The following RAB8B variants were observed in gnomAD, a reference collection of about 807,000 sequenced individuals.
RAB8B encodes RAB8B, member RAS oncogene family.
RAB8B carries 11 observed loss-of-function variants against 32.0 expected under a neutral mutation model. The observed-to-expected ratio is 0.34, with a 90% CI of 0.22 to 0.57. The LOEUF is 0.57. RAB8B is among the 20% of genes least tolerant of loss of function. The pLI, the probability that RAB8B is intolerant of heterozygous loss-of-function variation, is 0.86. For synonymous variants in RAB8B, 103 were observed against 89.6 expected, an observed-to-expected ratio of 1.15 and a Z score of -0.85; for missense variants, 190 against 258.5, an observed-to-expected ratio of 0.73 and a Z score of 1.82.
At chr15:63,207,261 T>C (rs2037706103) in intron 1 of RAB8B, among the ~76,000 whole-genome samples, 1 of 152,296 alleles carries the variant, frequency 6.6e-6, no homozygotes, top group Admixed American at 6.5e-5. Context: ...ATGGTTCTCA[T>C]CATATCCCTA....
In RAB8B at chr15:63,236,900, C is replaced by A. The variant is rs375705642; in HGVS notation, c.125-7856C>A. Among the ~76,000 whole-genome samples, 15 of 152,254 alleles carry A rather than the reference C, an allele frequency of 9.9e-5. No individual in the cohort carries two copies. The East Asian group carries it at 2.5e-3, about 25-fold the overall frequency. ...TAACCATTACCACTTTCCCCTACCCCCCACTACCCTTCCCAGCCTAACCAT... is the reference window on the plus strand; with the variant it reads ...TAACCATTACCACTTTCCCCTACCCACCACTACCCTTCCCAGCCTAACCAT... On this transcript the variant is annotated intron_variant, in intron 1 of 7. Coordinates refer to ENST00000321437, the MANE Select transcript of RAB8B (RefSeq NM_016530.3).
At chr15:63,243,719 G>A (rs1352741590) in intron 1 of RAB8B, among the ~76,000 whole-genome samples, 1 of 152,000 alleles carries the variant, frequency 6.6e-6, no homozygotes, top group African/African-American at 2.4e-5. Context: ...TAATCATGAG[G>A]ATTTTTTTTT....
chr15:63,218,327 A>G (rs556205265), intron 1 of RAB8B, among the ~76,000 whole-genome samples: 1 of 152,338 alleles, frequency 6.6e-6, no homozygotes, highest in Non-Finnish European at 1.5e-5. Context: ...TACCTATCAC[A>G]GTGCCTGGCC....
intron 1 of RAB8B, among the ~76,000 whole-genome samples, chr15:63,202,920 C>T (rs1192030743): frequency 6.6e-6 from 1 of 152,232 alleles, no homozygotes; most frequent in Admixed American, 6.5e-5. Flanking sequence ...ACGAAGTCCA[C>T]TTGCTAAAAC....
chr15:63,238,306 CCTT>C (rs1190512909), intron 1 of RAB8B, among the ~76,000 whole-genome samples: 3 of 152,014 alleles, frequency 2.0e-5, no homozygotes, highest in Non-Finnish European at 4.4e-5. Flanking sequence ...ATAGCCCCCT[CCTT>C]CTTTCTAGTC....
intron 1 of RAB8B, among the ~76,000 whole-genome samples, chr15:63,227,647 A>G (rs1242435262): frequency 6.6e-6 from 1 of 152,220 alleles, no homozygotes; most frequent in Non-Finnish European, 1.5e-5. Flanking sequence ...GGAACCCAGA[A>G]TTCTTCACCC....
In RAB8B at chr15:63,248,847, G is replaced by A. The variant is rs1018853353; in HGVS notation, c.186-798G>A. Among the ~76,000 whole-genome samples, 1 of 151,910 alleles carries A rather than the reference G, an allele frequency of 6.6e-6. No individual in the cohort carries two copies. Among genetic ancestry groups the A allele is most frequent in the African/African-American group, 2.4e-5 (1 of 41,322 alleles). ...TCTCTCCTGCAATTAAATTGTCTTAGTAGCACAGGGAATGAATTAGTTCTG... is the reference window on the plus strand; with the variant it reads ...TCTCTCCTGCAATTAAATTGTCTTAATAGCACAGGGAATGAATTAGTTCTG... On this transcript the variant is annotated intron_variant, in intron 2 of 7. Transcript: ENST00000321437. This position sits in a 1 kb window ranked among gnomAD's most constrained non-coding sequence, Gnocchi z 4.4.
intron 6 of RAB8B, among the ~76,000 whole-genome samples, chr15:63,261,340 C>T (rs1595752507): frequency 6.6e-6 from 1 of 152,084 alleles, no homozygotes; most frequent in Non-Finnish European, 1.5e-5. Flanking sequence ...TAAATTAGTA[C>T]AGCCACTATG....
intron 1 of RAB8B, among the ~76,000 whole-genome samples, chr15:63,214,774 C>A (rs1207116506): frequency 2.0e-5 from 3 of 152,096 alleles, no homozygotes; most frequent in Admixed American, 6.5e-5. Flanking sequence ...AAACCTGCTT[C>A]TGAGAATTCA....
chr15:63,260,363 C>T (rs918277536), intron 6 of RAB8B, among the ~76,000 whole-genome samples: 2 of 152,224 alleles, frequency 1.3e-5, no homozygotes, highest in Non-Finnish European at 2.9e-5. Context: ...TAAGGCTGTA[C>T]TCTCTCAAGG....
Position 63,202,574 on chromosome 15 carries a change from C to T in RAB8B, c.124+12826C>T, listed in dbSNP as rs2037662244. Among the ~76,000 whole-genome samples, 4 of 152,178 alleles carry T rather than the reference C, an allele frequency of 2.6e-5. No homozygotes were observed. In the South Asian group the frequency reaches 8.3e-4, roughly 31 times the overall value. On this transcript the variant is annotated intron_variant, in intron 1 of 7. Coordinates refer to ENST00000321437, the MANE Select transcript of RAB8B (RefSeq NM_016530.3). ...TTCGTGAAAAGGAAACTAATTGTAT[C>T]AGAAATCTCAGTGTTGTCTGTCCAC...
chr15:63,251,890 A>G (rs1033380398), intron 3 of RAB8B, among the ~76,000 whole-genome samples: 1 of 152,052 alleles, frequency 6.6e-6, no homozygotes, highest in African/African-American at 2.4e-5. Flanking sequence ...AGTGGTGGTT[A>G]TGGCAGGTTT....
chr15:63,244,878 T>G, intron 2 of RAB8B, 62 bp downstream of exon 2: 1 of 1,379,968 alleles, frequency 7.2e-7, no homozygotes, highest in Non-Finnish European at 1.0e-6. Context: ...GAATTAAATG[T>G]GAATTGTAAT....
chr15:63,212,598 GA>G (rs2037757087), intron 1 of RAB8B, among the ~76,000 whole-genome samples: 1 of 152,178 alleles, frequency 6.6e-6, no homozygotes, highest in Admixed American at 6.5e-5. Context: ...CTAGATAGGG[GA>G]AAGGAAATGT....
rs1160288636 is a variant in RAB8B, at chr15:63,266,169, G to C, written c.*2550G>C. The C allele has an allele frequency of 2.6e-5, 4 of 152,556 alleles. No individual in the cohort carries two copies. Among genetic ancestry groups the C allele is most frequent in the Non-Finnish European group, 5.9e-5 (4 of 68,004 alleles). The allele number at this position is 152,556 out of a possible 1,614,324, so 9.5% of individuals were successfully genotyped here. On this transcript the variant is annotated 3_prime_UTR_variant, in exon 8 of 8. Coordinates refer to ENST00000321437, the MANE Select transcript of RAB8B (RefSeq NM_016530.3). ...TTGTGAACATTTTTGTGGTCTTATG[G>C]ATAAGGTACATGAAGATTTTTGCAG...
chr15:63,236,139 C>G (rs2037978527), intron 1 of RAB8B, among the ~76,000 whole-genome samples: 1 of 152,288 alleles, frequency 6.6e-6, no homozygotes, highest in South Asian at 2.1e-4. Context: ...AAGTACTTCT[C>G]AAGTCTATAA....
chr15:63,209,365 T>C (rs1356201730), intron 1 of RAB8B, among the ~76,000 whole-genome samples: 2 of 151,806 alleles, frequency 1.3e-5, no homozygotes, highest in Non-Finnish European at 2.9e-5. Flanking sequence ...CCGAGGCAGG[T>C]GGATCACCTG....
At chr15:63,232,678 C>A (rs1174583320) in intron 1 of RAB8B, among the ~76,000 whole-genome samples, 3 of 152,040 alleles carry the variant, frequency 2.0e-5, no homozygotes, top group Non-Finnish European at 4.4e-5. Context: ...AATTCTAGTC[C>A]ATCTTCTTAG....
At chr15:63,225,727 G>A (rs1019258149) in intron 1 of RAB8B, among the ~76,000 whole-genome samples, 2 of 152,172 alleles carry the variant, frequency 1.3e-5, no homozygotes, top group African/African-American at 4.8e-5. Flanking sequence ...TTTCATTGTT[G>A]TATTCCTCAG....
Sources: allele counts gnomAD v4.1 joint callset (sites outside exome capture counted in the v4.1 genomes callset), GRCh38; gene constraint gnomAD v4.1.1; non-coding constraint Gnocchi (gnomAD v3.1); transcripts MANE v1.5; gene names NCBI Gene and HGNC (gene_info 2026-07-23, HGNC 2026-07-21).